HS3ST4: variants seen among roughly 807,000 people sequenced by gnomAD.
The protein encoded by HS3ST4 is heparan sulfate-glucosamine 3-sulfotransferase 4, also known as heparan sulfate glucosamine 3-O-sulfotransferase 4.
HS3ST4 carries 17 observed loss-of-function variants against 29.2 expected under a neutral mutation model. That is an observed-to-expected ratio of 0.58 (90% CI 0.40 to 0.87). The LOEUF (loss-of-function observed/expected upper bound fraction) is 0.87, where lower values mean the gene tolerates loss of function less well. HS3ST4 is among the 40% of genes least tolerant of loss of function. HS3ST4 has a pLI of 0.00. For missense variants in HS3ST4, 627 were observed against 634.5 expected (o/e 0.99, Z 0.13); for synonymous variants, 314 against 285.7 (o/e 1.10, Z -1.00).
intron 1 of HS3ST4, among the ~76,000 whole-genome samples, chr16:25,989,848 G>T (rs1007420928): frequency 7.9e-5 from 12 of 152,208 alleles, no homozygotes; most frequent in Admixed American, 7.9e-4. Flanking sequence ...TGATGCCAGG[G>T]TCGCTATAAA....
chr16:25,695,651 T>G (rs1286012882), intron 1 of HS3ST4, among the ~76,000 whole-genome samples: 1 of 152,198 alleles, frequency 6.6e-6, no homozygotes, highest in African/African-American at 2.4e-5. Context: ...GATTCCAGTA[T>G]CAGAAACTCT....
At chr16:26,085,340 T>C (rs1418308209) in intron 1 of HS3ST4, among the ~76,000 whole-genome samples, 1 of 152,194 alleles carries the variant, frequency 6.6e-6, no homozygotes, top group South Asian at 2.1e-4. Context: ...TTATCAAGTT[T>C]CTATTACATA....
intron 1 of HS3ST4, among the ~76,000 whole-genome samples, chr16:26,049,030 A>C (rs913634000): frequency 6.6e-6 from 1 of 152,048 alleles, no homozygotes; most frequent in African/African-American, 2.4e-5. Context: ...AAAATCGGAG[A>C]CTACTCTTTT....
chr16:25,957,561 GCA>G, intron 1 of HS3ST4, among the ~76,000 whole-genome samples: 1 of 152,094 alleles, frequency 6.6e-6, no homozygotes, highest in African/African-American at 2.4e-5. Context: ...GGGATTATAG[GCA>G]TAGGCCACCA....
At chr16:25,843,230 C>T (rs74014121) in intron 1 of HS3ST4, among the ~76,000 whole-genome samples, 3,035 of 152,000 alleles carry the variant, frequency 0.02, 60 homozygotes, top group Middle Eastern at 0.085. Context: ...GTCTCTGAAG[C>T]GGTTCTGCCT....
intron 1 of HS3ST4, among the ~76,000 whole-genome samples, chr16:26,003,190 C>T (rs1400589083): frequency 6.6e-6 from 1 of 152,172 alleles, no homozygotes; most frequent in African/African-American, 2.4e-5. Context: ...AATGTTTCAA[C>T]TTGCAGGTTG....
intron 1 of HS3ST4, among the ~76,000 whole-genome samples, chr16:25,729,345 G>A (rs1596554722): frequency 6.6e-6 from 1 of 152,150 alleles, no homozygotes. Flanking sequence ...ATATGCATAT[G>A]GAATCTTGTG....
At chr16:26,012,657 G>A (rs1473891151) in intron 1 of HS3ST4, among the ~76,000 whole-genome samples, 1 of 152,140 alleles carries the variant, frequency 6.6e-6, no homozygotes, top group East Asian at 1.9e-4. Context: ...TTATAATTTT[G>A]TAGCTGTCTC....
At chr16:25,828,301 C>CTCCCTCTCTCT in intron 1 of HS3ST4, among the ~76,000 whole-genome samples, 2 of 32,874 alleles carry the variant, frequency 6.1e-5, no homozygotes, top group Non-Finnish European at 1.1e-4. Flanking sequence ...TCTTTCTTTC[C>CTCCCTCTCTCT]CTCTCTCTCT....
chr16:25,733,314 T>C (rs1966584559), intron 1 of HS3ST4, among the ~76,000 whole-genome samples: 1 of 152,214 alleles, frequency 6.6e-6, no homozygotes, highest in Non-Finnish European at 1.5e-5. Context: ...TCTCCACTTG[T>C]GAGCATCTTG....
At chr16:26,125,499 T>C (rs1899330056) in intron 1 of HS3ST4, among the ~76,000 whole-genome samples, 1 of 152,234 alleles carries the variant, frequency 6.6e-6, no homozygotes, top group Non-Finnish European at 1.5e-5. Context: ...TCCCGCTGTA[T>C]AGCCCCGCTC....
chr16:26,024,794 C>T (rs1488723721), intron 1 of HS3ST4, among the ~76,000 whole-genome samples: 3 of 152,150 alleles, frequency 2.0e-5, no homozygotes, highest in Non-Finnish European at 4.4e-5. Context: ...TGATCTTTAT[C>T]CTTTGTGTAA....
At chr16:25,958,778 C>T (rs930887148) in intron 1 of HS3ST4, among the ~76,000 whole-genome samples, 1 of 152,158 alleles carries the variant, frequency 6.6e-6, no homozygotes, top group Non-Finnish European at 1.5e-5. Flanking sequence ...AGTTCTCTTC[C>T]ACGGAGCTTC....
intron 1 of HS3ST4, among the ~76,000 whole-genome samples, chr16:25,993,949 C>CCT (rs1226007801): frequency 3.3e-5 from 4 of 121,248 alleles, no homozygotes; most frequent in Non-Finnish European, 6.8e-5. Context: ...CACATAACCT[C>CCT]GTGTGTGTGT....
At chr16:25,850,863 G>A (rs1967513708) in intron 1 of HS3ST4, among the ~76,000 whole-genome samples, 2 of 152,140 alleles carry the variant, frequency 1.3e-5, no homozygotes, top group Admixed American at 1.3e-4. Context: ...TGGTGGGAGA[G>A]GATGAAAAAG....
chr16:25,855,075 G>A (rs1401261809), intron 1 of HS3ST4, among the ~76,000 whole-genome samples: 3 of 152,196 alleles, frequency 2.0e-5, no homozygotes, highest in Non-Finnish European at 2.9e-5. Flanking sequence ...TCTCTCAAAT[G>A]GGTCAAAAGG....
chr16:25,795,539 C>T (rs1966882060), intron 1 of HS3ST4, among the ~76,000 whole-genome samples: 1 of 152,194 alleles, frequency 6.6e-6, no homozygotes, highest in Non-Finnish European at 1.5e-5. Context: ...AAGTGAGTCT[C>T]ATAACTCCAG....
At chr16:26,117,588 G>A (rs1305822026) in intron 1 of HS3ST4, among the ~76,000 whole-genome samples, 1 of 152,180 alleles carries the variant, frequency 6.6e-6, no homozygotes, top group Non-Finnish European at 1.5e-5. Flanking sequence ...GCTCCAGCCA[G>A]GGCTAAGAGT....
chr16:25,756,582 G>A (rs1275824412), intron 1 of HS3ST4, among the ~76,000 whole-genome samples: 3 of 152,110 alleles, frequency 2.0e-5, no homozygotes, highest in Admixed American at 1.3e-4. Flanking sequence ...AAAGAAGATC[G>A]CAGATCTTCA....
Sources: gnomAD v4.1 joint callset for allele counts (sites outside exome capture counted in the v4.1 genomes callset) on GRCh38, gnomAD v4.1.1 for gene constraint, MANE v1.5 for transcripts, NCBI Gene and HGNC (gene_info 2026-07-23, HGNC 2026-07-21) for gene names.